The following PECAM1 variants were observed in gnomAD, a reference collection of about 807,000 sequenced individuals.
PECAM1 encodes platelet and endothelial cell adhesion molecule 1.
Under a neutral mutation model 13.8 loss-of-function variants are expected in PECAM1, and 8 were observed. That is an observed-to-expected ratio of 0.58 (90% CI 0.34 to 1.05). The LOEUF (loss-of-function observed/expected upper bound fraction) is 1.05. Among genes scored for constraint, PECAM1 ranks in the 50% least tolerant of loss-of-function variants. The probability of loss-of-function intolerance (pLI) is 0.03; values close to 1 mark genes in which losing one functional copy is unlikely to be tolerated. For synonymous variants in PECAM1, 136 were observed against 52.6 expected (o/e 2.58, Z -6.86); for missense variants, 304 against 141.2 (o/e 2.15, Z -5.84).
chr17:64,348,321 C>A lies in PECAM1; in HGVS notation c.2046G>T (p.Glu682Asp). ...HAMKPINDNK[E>D]PLNSDVQYTE... ...TGTACTGCACGTCTGAGTTCAGAGG[C>A]TCTGCTCAAAGAAACCACAGCAGCT... Residue 682 changes from glutamate to aspartate, a missense_variant and splice_region_variant, in exon 13 of 16, where the codon GAG becomes GAT. Physicochemically the swap from Glu to Asp is conservative, Grantham distance 45. Transcript: ENST00000563924. 2.1e-6 allele frequency: 1 copy of A among 475,144 alleles called. No individual in the cohort carries two copies. The highest frequency in any genetic ancestry group is 3.9e-6 in the Non-Finnish European group (1 of 259,000). 29.4% of individuals were successfully genotyped at this position (475,144 alleles called of 1,614,324 possible).
chr17:64,368,937 T>TC lies in PECAM1; in HGVS notation c.967+812_967+813insG, dbSNP rs1251799234. On this transcript the variant is annotated intron_variant, in intron 5 of 15. Transcript: ENST00000563924. ...CAAAGGGTAATTGTCATTTCTTTTT[T>TC]TTTTTTTTTTTTTTTTTGAGACAGA... Among the ~76,000 whole-genome samples the TC allele has an allele frequency of 6.5e-5, 7 of 107,790 alleles. No individual in the cohort carries two copies. In the East Asian group the frequency reaches 1.9e-3, roughly 30 times the overall value. 70.7% of individuals were successfully genotyped at this position (107,790 alleles called of 152,430 possible).
chr17:64,388,190 G>C (rs9905235), intron 2 of PECAM1, among the ~76,000 whole-genome samples: 86,381 of 151,838 alleles, frequency 0.57, 24,730 homozygotes, highest in Middle Eastern at 0.68. Context: ...TGGTGTGGAG[G>C]GGGAGAGGGG....
chr17:64,327,594 C>T (rs145638295), intron 15 of PECAM1, among the ~76,000 whole-genome samples: 33 of 152,290 alleles, frequency 2.2e-4, no homozygotes, highest in African/African-American at 7.9e-4. Flanking sequence ...TTCCAAGATC[C>T]CAAGACTCTC....
chr17:64,346,257 C>T (rs903208798), intron 13 of PECAM1, among the ~76,000 whole-genome samples: 18 of 151,706 alleles, frequency 1.2e-4, no homozygotes, highest in South Asian at 4.2e-4. Flanking sequence ...TTCCTTTGAG[C>T]ATGCAGGAGT....
At chr17:64,365,611 G>T (rs1324484828) in intron 5 of PECAM1, among the ~76,000 whole-genome samples, 1 of 152,062 alleles carries the variant, frequency 6.6e-6, no homozygotes, top group Non-Finnish European at 1.5e-5. Flanking sequence ...CATGGTACTG[G>T]TACCAAAACA....
chr17:64,345,122 G>A (rs1025151358), intron 13 of PECAM1, among the ~76,000 whole-genome samples: 2 of 152,170 alleles, frequency 1.3e-5, no homozygotes, highest in Non-Finnish European at 2.9e-5. Flanking sequence ...AAAGTGCTGG[G>A]ATTACAATAC....
chr17:64,372,074 C>T lies in PECAM1; in HGVS notation c.692-2049G>A, dbSNP rs890171994. ...ATCACCACAACAATGATATATATCA[C>T]TATACCTCAACTAGATTGTCAAAAA... On this transcript the variant is annotated intron_variant, in intron 4 of 15. Coordinates refer to ENST00000563924, the MANE Select transcript of PECAM1 (RefSeq NM_000442.5). Among the ~76,000 whole-genome samples the T allele has an allele frequency of 7.9e-5, 12 of 152,174 alleles. No individual in the cohort carries two copies. In the East Asian group the frequency reaches 2.3e-3, roughly 29 times the overall value.
At chr17:64,338,351 A>G (rs2035338815) in intron 14 of PECAM1, among the ~76,000 whole-genome samples, 1 of 145,558 alleles carries the variant, frequency 6.9e-6, no homozygotes, top group Non-Finnish European at 1.5e-5. Flanking sequence ...AAGTGCTGAG[A>G]TTACAGGCAT....
intron 6 of PECAM1, among the ~76,000 whole-genome samples, chr17:64,362,415 T>C (rs9910953): frequency 0.9 from 137,218 of 152,122 alleles, 62,977 homozygotes; most frequent in East Asian, 1. Flanking sequence ...TTTGGGAGGC[T>C]GAGGCAGGCA....
chr17:64,348,402 CT>C, intron 12 of PECAM1, 80 bp from the exon 13 acceptor site: 1 of 357,000 alleles, frequency 2.8e-6, no homozygotes, highest in Non-Finnish European at 4.9e-6. Flanking sequence ...TAGAGACTTT[CT>C]TTTCTTTTTT....
Position 64,357,384 on chromosome 17 carries a change from C to T in PECAM1, c.1493-986G>A, listed in dbSNP as rs908246238. Among the ~76,000 whole-genome samples, 5 of 149,334 alleles carry T rather than the reference C, an allele frequency of 3.3e-5. No individual in the cohort carries two copies. In the East Asian group the frequency reaches 6.0e-4, roughly 18 times the overall value. On this transcript the variant is annotated intron_variant, in intron 7 of 15. Transcript: ENST00000563924. ...ACCTGGGCATTTCCACCTGGAAGCC[C>T]AGCCAGCCTCACTCCCTGCAGGTCC...
Position 64,390,711 on chromosome 17 carries a change from A to G in PECAM1, c.-46T>C, listed in dbSNP as rs958073472. The G allele has an allele frequency of 4.6e-6, 2 of 430,950 alleles. No homozygotes were observed. Among genetic ancestry groups the G allele is most frequent in the Non-Finnish European group, 8.4e-6 (2 of 236,960 alleles). 26.7% of individuals were successfully genotyped at this position (430,950 alleles called of 1,614,324 possible). A position where few individuals can be genotyped will look rare whatever the true frequency, so the allele number is the denominator to read the frequency against. ...GCACAGTTAGTTCTGCCTTCGGGCC[A>G]TGACTCGCTCAGCAGAAGGCACTGC... On this transcript the variant is annotated 5_prime_UTR_variant, in exon 1 of 16. It removes an upstream start codon present in the reference 5' UTR. Transcript: ENST00000563924.
chr17:64,378,243 G>C (rs996204563), intron 2 of PECAM1, 126 bp from the exon 3 acceptor site: 42 of 397,602 alleles, frequency 1.1e-4, no homozygotes, highest in Non-Finnish European at 1.8e-4. Flanking sequence ...GGGGTTCTAC[G>C]TGCCTACAGG....
intron 6 of PECAM1, 116 bp downstream of exon 6, chr17:64,363,033 C>T (rs925573644): frequency 8.6e-6 from 4 of 464,404 alleles, no homozygotes; most frequent in African/African-American, 7.9e-5. Flanking sequence ...ACTTCTCTCC[C>T]TCTAGTTCTT....
At chr17:64,361,626 G>T (rs1384139719) in intron 6 of PECAM1, among the ~76,000 whole-genome samples, 1 of 151,330 alleles carries the variant, frequency 6.6e-6, no homozygotes, top group East Asian at 2.0e-4. Context: ...GGTGGCACAT[G>T]CCTGTAATCC....
At chr17:64,350,495 T>A in intron 11 of PECAM1, 62 bp from the exon 12 acceptor site, 1 of 412,494 alleles carries the variant, frequency 2.4e-6, no homozygotes. Context: ...TAAAACCTTT[T>A]AAAAATTCAG....
intron 5 of PECAM1, among the ~76,000 whole-genome samples, chr17:64,367,371 G>A (rs995601109): frequency 2.6e-5 from 4 of 152,132 alleles, no homozygotes; most frequent in East Asian, 3.9e-4. Context: ...CCAACATGGC[G>A]AAACCCCGTC....
At chr17:64,347,606 TA>T (rs1189495671) in intron 13 of PECAM1, among the ~76,000 whole-genome samples, 5 of 143,736 alleles carry the variant, frequency 3.5e-5, no homozygotes, top group Non-Finnish European at 6.1e-5. Context: ...ATATTATATA[TA>T]AAATATATAA....
chr17:64,358,362 A>G (rs1480062067), intron 7 of PECAM1, among the ~76,000 whole-genome samples: 1 of 151,690 alleles, frequency 6.6e-6, no homozygotes, highest in African/African-American at 2.4e-5. Flanking sequence ...CAAGTGATCC[A>G]CCCCATTCGG....
Sources: gnomAD v4.1 joint callset for allele counts (sites outside exome capture counted in the v4.1 genomes callset) on GRCh38, gnomAD v4.1.1 for gene constraint, MANE v1.5 for transcripts, NCBI Gene and HGNC (gene_info 2026-07-23, HGNC 2026-07-21) for gene names.